PTPRN2: variants seen among roughly 807,000 people sequenced by gnomAD.
PTPRN2 encodes protein tyrosine phosphatase receptor type N2.
A neutral mutation model predicts 118.8 loss-of-function variants in PTPRN2; 74 were observed. That is an observed-to-expected ratio of 0.62 (90% CI 0.52 to 0.76). PTPRN2 has a LOEUF of 0.76. PTPRN2 is among the 30% of genes least tolerant of loss of function. The pLI is 0.00. For missense variants in PTPRN2, 1,481 were observed against 1,394.4 expected (o/e 1.06, Z -0.99); for synonymous variants, 641 against 608.0 (o/e 1.05, Z -0.80).
chr7:158,581,174 C>T (rs948848532), intron 1 of PTPRN2, among the ~76,000 whole-genome samples: 8 of 151,770 alleles, frequency 5.3e-5, no homozygotes, highest in African/African-American at 1.7e-4. Context: ...GGGATGACCA[C>T]TGGGAGAGAA....
intron 1 of PTPRN2, among the ~76,000 whole-genome samples, chr7:158,512,076 G>C (rs1402354041): frequency 6.6e-6 from 1 of 152,150 alleles, no homozygotes; most frequent in Non-Finnish European, 1.5e-5. Flanking sequence ...TCAGATCCCG[G>C]GACAGAATGC....
chr7:158,070,254 C>CTCCA (rs908011605), intron 11 of PTPRN2, among the ~76,000 whole-genome samples: 3 of 152,076 alleles, frequency 2.0e-5, no homozygotes, highest in African/African-American at 7.3e-5. Context: ...TGTAGAGGTG[C>CTCCA]TCATGGTGAT....
At chr7:158,466,214 G>A (rs1046043982) in intron 2 of PTPRN2, among the ~76,000 whole-genome samples, 1 of 152,070 alleles carries the variant, frequency 6.6e-6, no homozygotes, top group Non-Finnish European at 1.5e-5. Flanking sequence ...ATCCAATGTT[G>A]TTACTACATA....
intron 12 of PTPRN2, among the ~76,000 whole-genome samples, chr7:157,856,734 C>G (rs1166979365): frequency 2.0e-5 from 3 of 152,244 alleles, no homozygotes. Context: ...GGGTGGATTT[C>G]ATATGACCTG....
chr7:157,876,950 G>T (rs1033754305), intron 12 of PTPRN2, among the ~76,000 whole-genome samples: 2 of 152,220 alleles, frequency 1.3e-5, no homozygotes, highest in South Asian at 4.1e-4. Context: ...GGACGGCCTC[G>T]CTAGCCTTTA....
At chr7:158,488,722 G>C (rs1821210498) in intron 2 of PTPRN2, among the ~76,000 whole-genome samples, 1 of 152,236 alleles carries the variant, frequency 6.6e-6, no homozygotes, top group South Asian at 2.1e-4. Flanking sequence ...TGGGTGCGAG[G>C]GGCCTCTGGG....
chr7:158,570,246 G>A lies in PTPRN2; in HGVS notation c.112+17312C>T, dbSNP rs1301152728. Among the ~76,000 whole-genome samples the A allele has an allele frequency of 1.3e-5, 2 of 152,236 alleles. No individual in the cohort carries two copies. Among genetic ancestry groups the A allele is most frequent in the Non-Finnish European group, 2.9e-5 (2 of 68,038 alleles). ...CTTCTGGAGGCCGCTCCTTGGCCAT[G>A]GGCCCTCGGTCCTCGCCCTGAGCAG... On this transcript the variant is annotated intron_variant, in intron 1 of 22. Transcript: ENST00000389418. The surrounding 1 kb of genome is among the most constrained non-coding windows in gnomAD (Gnocchi z 4.5).
At chr7:157,891,040 A>G (rs1796770346) in intron 12 of PTPRN2, among the ~76,000 whole-genome samples, 1 of 150,672 alleles carries the variant, frequency 6.6e-6, no homozygotes, top group Non-Finnish European at 1.5e-5. Context: ...ACCTGTGGGC[A>G]AAGGCCCCCC....
chr7:158,166,743 C>T (rs547966700), intron 6 of PTPRN2, among the ~76,000 whole-genome samples, 188 bp downstream of exon 6: 14 of 152,342 alleles, frequency 9.2e-5, no homozygotes, highest in African/African-American at 3.4e-4. Flanking sequence ...CATACTCCTT[C>T]CCAGCACAGA....
intron 11 of PTPRN2, among the ~76,000 whole-genome samples, chr7:157,970,655 G>A (rs1385504987): frequency 8.1e-6 from 1 of 122,826 alleles, no homozygotes; most frequent in Non-Finnish European, 1.7e-5. Flanking sequence ...CCCACAGGTT[G>A]CCCACCCCAG....
rs1433891139 is a variant in PTPRN2, at chr7:157,869,697, T to C, written c.1788+28976A>G. Among the ~76,000 whole-genome samples the C allele has an allele frequency of 2.6e-5, 4 of 152,284 alleles. No individual in the cohort carries two copies. Among genetic ancestry groups the C allele is most frequent in the South Asian group, 2.1e-4 (1 of 4,830 alleles). On this transcript the variant is annotated intron_variant, in intron 12 of 22. Coordinates refer to ENST00000389418, the MANE Select transcript of PTPRN2 (RefSeq NM_002847.5). This position sits in a 1 kb window ranked among gnomAD's most constrained non-coding sequence, Gnocchi z 4.2. The stretch of plus-strand genomic sequence containing the variant: ...GGACTGTAGGGGGATGCCTCATGAG[T>C]TCTCATCGGAACTCTTGCTAAATTG...
intron 12 of PTPRN2, among the ~76,000 whole-genome samples, chr7:157,691,140 C>G (rs1258375679): frequency 6.6e-6 from 1 of 151,238 alleles, no homozygotes; most frequent in Non-Finnish European, 1.5e-5. Flanking sequence ...CCTCTCCCGC[C>G]CGAGACTATG....
chr7:158,230,908 C>A (rs1396221198), intron 3 of PTPRN2, among the ~76,000 whole-genome samples: 1 of 152,148 alleles, frequency 6.6e-6, no homozygotes, highest in East Asian at 1.9e-4. Flanking sequence ...TAAGACCCAA[C>A]TATAAGCTGC....
chr7:158,459,213 A>G (rs1312340465), intron 2 of PTPRN2, among the ~76,000 whole-genome samples: 1 of 80,516 alleles, frequency 1.2e-5, no homozygotes, highest in Non-Finnish European at 2.6e-5. Flanking sequence ...GCACACATGC[A>G]TGCTGCACCA....
chr7:157,598,816 G>A lies in PTPRN2; in HGVS notation c.2419-3501C>T, dbSNP rs1801499680. Among the ~76,000 whole-genome samples the A allele has an allele frequency of 6.6e-6, 1 of 152,188 alleles. No homozygotes were observed. Among genetic ancestry groups the A allele is most frequent in the Non-Finnish European group, 1.5e-5 (1 of 68,038 alleles). ...CACAGAGCTGCTGTGTCCTCCAGTG[G>A]TGTGCGGGGCCAAGCATCTGAATGG... On this transcript the variant is annotated intron_variant, in intron 16 of 22. Coordinates refer to ENST00000389418, the MANE Select transcript of PTPRN2 (RefSeq NM_002847.5). The surrounding 1 kb of genome is among the most constrained non-coding windows in gnomAD (Gnocchi z 5.2).
intron 21 of PTPRN2, among the ~76,000 whole-genome samples, chr7:157,558,176 C>T (rs762116483): frequency 7.2e-5 from 11 of 152,002 alleles, no homozygotes; most frequent in Admixed American, 3.3e-4. Context: ...ATTGGTGCGA[C>T]GCGGTGCCCA....
chr7:157,774,736 G>A (rs780899077), intron 12 of PTPRN2, among the ~76,000 whole-genome samples: 2 of 152,164 alleles, frequency 1.3e-5, no homozygotes, highest in East Asian at 3.9e-4. Context: ...GGGCACGCCC[G>A]ACAGGGGAGG....
At chr7:158,557,759 G>A (rs1178919830) in intron 1 of PTPRN2, among the ~76,000 whole-genome samples, 1 of 152,164 alleles carries the variant, frequency 6.6e-6, no homozygotes, top group Non-Finnish European at 1.5e-5. Flanking sequence ...GAGCACCATG[G>A]CGCCTAGAAG....
In PTPRN2 at chr7:158,534,361, C is replaced by T. The variant is rs10232455; in HGVS notation, c.113-44576G>A. ...TGTGGGTGCAGGTTGTGGCCACCCACGCCCTGGGCTCCGTCAGGGATGGCT... is the reference window on the plus strand; with the variant it reads ...TGTGGGTGCAGGTTGTGGCCACCCATGCCCTGGGCTCCGTCAGGGATGGCT... On this transcript the variant is annotated intron_variant, in intron 1 of 22. Coordinates refer to ENST00000389418, the MANE Select transcript of PTPRN2 (RefSeq NM_002847.5). Among the ~76,000 whole-genome samples, 189 of 54,884 alleles carry T rather than the reference C, an allele frequency of 3.4e-3. 1 individual carries two copies. The highest frequency in any genetic ancestry group is 0.014 in the East Asian group (16 of 1,106). 36.0% of individuals were successfully genotyped at this position (54,884 alleles called of 152,430 possible).
Sources: allele counts gnomAD v4.1 joint callset (sites outside exome capture counted in the v4.1 genomes callset), GRCh38; gene constraint gnomAD v4.1.1; non-coding constraint Gnocchi (gnomAD v3.1); transcripts MANE v1.5; gene names NCBI Gene and HGNC (gene_info 2026-07-23, HGNC 2026-07-21).